Variants in CDH11 observed in about 807,000 individuals in gnomAD.
CDH11 encodes cadherin 11.
CDH11 carries 11 observed loss-of-function variants against 67.8 expected under a neutral mutation model. That is an observed-to-expected ratio of 0.16 (90% CI 0.10 to 0.27). The LOEUF is 0.27. CDH11 is among the 10% of genes least tolerant of loss of function. The probability of loss-of-function intolerance (pLI) is 1.00; values close to 1 mark genes in which losing one functional copy is unlikely to be tolerated. For missense variants in CDH11, 847 were observed against 1,031.2 expected (o/e 0.82, Z 2.45); for synonymous variants, 419 against 400.0 (o/e 1.05, Z -0.57).
intron 1 of CDH11, among the ~76,000 whole-genome samples, chr16:65,107,315 C>T (rs1330030331): frequency 1.3e-5 from 2 of 152,212 alleles, no homozygotes; most frequent in South Asian, 2.1e-4. Context: ...CTCATTGAGA[C>T]TGTCCTGAAG....
At chr16:65,010,123 T>C (rs1030622593) in intron 2 of CDH11, among the ~76,000 whole-genome samples, 1 of 152,142 alleles carries the variant, frequency 6.6e-6, no homozygotes, top group Admixed American at 6.5e-5. Context: ...GGCTGACCTG[T>C]TTTTTCATTT....
intron 1 of CDH11, among the ~76,000 whole-genome samples, chr16:65,056,362 A>AC (rs1438832283): frequency 2.6e-5 from 4 of 152,058 alleles, no homozygotes; most frequent in African/African-American, 9.7e-5. Context: ...CTAATACATA[A>AC]AAATATTCAT....
At chr16:65,093,986 G>GGA (rs1375245753) in intron 1 of CDH11, among the ~76,000 whole-genome samples, 1 of 152,168 alleles carries the variant, frequency 6.6e-6, no homozygotes, top group African/African-American at 2.4e-5. Context: ...CAAGCCTCCA[G>GGA]GAGAAAGATG....
intron 2 of CDH11, among the ~76,000 whole-genome samples, chr16:65,006,108 C>T (rs1428116367): frequency 2.0e-5 from 3 of 152,204 alleles, no homozygotes; most frequent in Non-Finnish European, 4.4e-5. Context: ...TGCTTGTTCT[C>T]CTCTCTTAGA....
intron 1 of CDH11, among the ~76,000 whole-genome samples, chr16:65,081,262 C>T (rs1342721033): frequency 3.9e-5 from 6 of 152,084 alleles, no homozygotes; most frequent in African/African-American, 1.4e-4. Flanking sequence ...ATGACCTGCA[C>T]AGGGAAGGTA....
chr16:65,076,755 A>C (rs2074517562), intron 1 of CDH11, among the ~76,000 whole-genome samples: 1 of 126,614 alleles, frequency 7.9e-6, no homozygotes, highest in South Asian at 2.5e-4. Flanking sequence ...TTAAACTCCC[A>C]CTTATGAGTG....
chr16:65,003,861 A>C (rs764006061), intron 3 of CDH11, among the ~76,000 whole-genome samples: 31 of 152,192 alleles, frequency 2.0e-4, no homozygotes, highest in Non-Finnish European at 4.4e-4. Flanking sequence ...CAAGGATGAC[A>C]CTGCCCTTGA....
intron 12 of CDH11, among the ~76,000 whole-genome samples, chr16:64,949,577 C>T (rs891870471): frequency 2.0e-5 from 3 of 152,040 alleles, no homozygotes; most frequent in Admixed American, 6.5e-5. Context: ...CAGGCATGCA[C>T]CAACACACCT....
chr16:65,053,422 C>T (rs2074091238), intron 2 of CDH11, among the ~76,000 whole-genome samples: 1 of 152,144 alleles, frequency 6.6e-6, no homozygotes, highest in Non-Finnish European at 1.5e-5. Flanking sequence ...CCTTGTGGGA[C>T]ATAAGCTACC....
At chr16:64,963,510 GAGAA>G (rs1293512097) in intron 11 of CDH11, among the ~76,000 whole-genome samples, 8 of 152,136 alleles carry the variant, frequency 5.3e-5, no homozygotes, top group Admixed American at 5.2e-4. Flanking sequence ...AAACAGAAGA[GAGAA>G]AGAAACAGAA....
intron 1 of CDH11, among the ~76,000 whole-genome samples, chr16:65,085,836 G>C (rs2074688579): frequency 6.6e-6 from 1 of 152,184 alleles, no homozygotes; most frequent in Admixed American, 6.5e-5. Context: ...CTCATGCAAT[G>C]CTCAAAATTG....
Position 64,971,943 on chromosome 16 carries a change from T to C in CDH11, c.1512A>G (p.Pro504=). The C allele has an allele frequency of 1.2e-6, 2 of 1,613,906 alleles. No homozygotes were observed. The highest frequency in any genetic ancestry group is 2.2e-5 in the South Asian group (2 of 91,050). Reference sequence around the variant, plus strand: ...AAAGCAGGATTACCTGGTTGGAAAGTGGCTTGGTCTGATCACTCTCACAGA... The same window carrying C: ...AAAGCAGGATTACCTGGTTGGAAAGCGGCTTGGTCTGATCACTCTCACAGA... ...GFICESDQTK[P]LSNQPIVTIS... is the part of the protein sequence containing the mutation. The change falls in exon 10 of 13, where the codon CCA becomes CCG. Residue 504 remains proline, a synonymous_variant. Coordinates refer to ENST00000268603, the MANE Select transcript of CDH11 (RefSeq NM_001797.4).
rs372338085 is a variant in CDH11 at position 64,982,131 on chromosome 16, G to C, written c.1170C>G (p.His390Gln). 4 of 1,613,870 alleles carry C rather than the reference G, an allele frequency of 2.5e-6. No homozygotes were observed. In the African/African-American group the frequency reaches 5.3e-5, roughly 22 times the overall value. Residue 390 changes from histidine to glutamine, a missense_variant, in exon 8 of 13, where the codon CAC becomes CAG. Physicochemically the swap from His to Gln is conservative, Grantham distance 24. Coordinates refer to ENST00000268603, the MANE Select transcript of CDH11 (RefSeq NM_001797.4). ...CAGCAGCTGCATTTTCTTGGACTTCGTGGATGTAACTTGGGGCCAAGAACA... is the reference window on the plus strand; with the variant it reads ...CAGCAGCTGCATTTTCTTGGACTTCCTGGATGTAACTTGGGGCCAAGAACA... ...PPMFLAPSYI[H>Q]EVQENAAAGT... is the part of the protein sequence containing the mutation.
intron 11 of CDH11, among the ~76,000 whole-genome samples, chr16:64,964,832 G>A (rs2071767930): frequency 3.3e-5 from 5 of 152,196 alleles, no homozygotes; most frequent in Admixed American, 3.3e-4. Flanking sequence ...ACAGGCTTGA[G>A]CCACTGCGCC....
chr16:65,001,270 A>T (rs1376504832), intron 3 of CDH11, among the ~76,000 whole-genome samples: 1 of 152,248 alleles, frequency 6.6e-6, no homozygotes, highest in Non-Finnish European at 1.5e-5. Flanking sequence ...GTTGTCGTGA[A>T]ATTATGGCTA....
chr16:65,102,789 A>G (rs547827172), intron 1 of CDH11, among the ~76,000 whole-genome samples: 1 of 152,308 alleles, frequency 6.6e-6, no homozygotes, highest in South Asian at 2.1e-4. Context: ...ATTCTTGGCC[A>G]TCCTCTTAAT....
At chr16:65,020,189 T>C (rs566896256) in intron 2 of CDH11, among the ~76,000 whole-genome samples, 1 of 152,314 alleles carries the variant, frequency 6.6e-6, no homozygotes, top group East Asian at 1.9e-4. Flanking sequence ...TTACATAGAA[T>C]CTAATTGCTC....
intron 11 of CDH11, among the ~76,000 whole-genome samples, chr16:64,965,282 T>C (rs1023026433): frequency 1.2e-4 from 18 of 150,796 alleles, no homozygotes; most frequent in Non-Finnish European, 2.4e-4. Flanking sequence ...CCTGGGAGTC[T>C]GAGGCAGGAG....
intron 2 of CDH11, among the ~76,000 whole-genome samples, chr16:65,015,203 A>G (rs1165202720): frequency 1.3e-5 from 2 of 151,846 alleles, no homozygotes; most frequent in Non-Finnish European, 2.9e-5. Flanking sequence ...AAACAGTGGA[A>G]AGATGTACAG....
Sources: gnomAD v4.1 joint callset for allele counts (sites outside exome capture counted in the v4.1 genomes callset) on GRCh38, gnomAD v4.1.1 for gene constraint, MANE v1.5 for transcripts, NCBI Gene and HGNC (gene_info 2026-07-23, HGNC 2026-07-21) for gene names.